HIGD1A: variants seen among roughly 807,000 people sequenced by gnomAD.
The protein encoded by HIGD1A is HIG1 hypoxia inducible domain family member 1A.
HIGD1A carries 8 observed loss-of-function variants against 11.3 expected under a neutral mutation model. The observed-to-expected ratio is 0.71, with a 90% CI of 0.42 to 1.28. HIGD1A has a LOEUF of 1.28. Ranked by LOEUF, HIGD1A falls within the 50% of genes most tolerant of loss-of-function variation. The pLI, the probability that HIGD1A is intolerant of heterozygous loss-of-function variation, is 0.01. For missense variants in HIGD1A, 107 were observed against 118.8 expected (o/e 0.90, Z 0.46); for synonymous variants, 32 against 38.4 (o/e 0.83, Z 0.62).
At chr3:42,801,290 A>G (rs887656934) in intron 1 of HIGD1A, among the ~76,000 whole-genome samples, 11 of 152,200 alleles carry the variant, frequency 7.2e-5, no homozygotes, top group African/African-American at 2.4e-4. Context: ...TCAGGTTCAC[A>G]TCTTAATTGA....
In HIGD1A at chr3:42,784,443, C is replaced by T. The variant is rs1198700460; in HGVS notation, c.*828G>A. 6.6e-6 allele frequency: 1 copy of T among 152,392 alleles called. No individual in the cohort carries two copies. The highest frequency in any genetic ancestry group is 2.4e-5 in the African/African-American group (1 of 41,446). 9.4% of individuals were successfully genotyped at this position (152,392 alleles called of 1,614,324 possible). A position where few individuals can be genotyped will look rare whatever the true frequency, so the allele number is the denominator to read the frequency against. On this transcript the variant is annotated 3_prime_UTR_variant, in exon 4 of 4. Transcript: ENST00000321331. ...GTTTGGGTATACTGTCTGGCCAAAC[C>T]AGCTTGCTCATAAGTCATTAACCAA...
intron 1 of HIGD1A, among the ~76,000 whole-genome samples, chr3:42,802,007 G>T (rs1000351039): frequency 3.3e-5 from 5 of 152,120 alleles, no homozygotes; most frequent in African/African-American, 9.7e-5. Flanking sequence ...TCCAGCCGGG[G>T]CAACAGGCAA....
chr3:42,802,141 C>G (rs1300002023), intron 1 of HIGD1A, among the ~76,000 whole-genome samples: 1 of 151,724 alleles, frequency 6.6e-6, no homozygotes, highest in African/African-American at 2.4e-5. Flanking sequence ...AATTCTCCAA[C>G]AGGTCAATGG....
chr3:42,803,249 A>C (rs1438609965), intron 1 of HIGD1A, among the ~76,000 whole-genome samples: 1 of 152,262 alleles, frequency 6.6e-6, no homozygotes, highest in Non-Finnish European at 1.5e-5. Flanking sequence ...GGGAACCTAA[A>C]GAGGCATTAA....
intron 1 of HIGD1A, among the ~76,000 whole-genome samples, chr3:42,799,615 GTTTT>G (rs57590070): frequency 6.8e-6 from 1 of 147,592 alleles, no homozygotes; most frequent in South Asian, 2.1e-4. Context: ...ACCATGCCTG[GTTTT>G]TTTTTTTTGT....
Position 42,784,544 on chromosome 3 carries a change from C to T in HIGD1A, c.*727G>A, listed in dbSNP as rs1441187358. On this transcript the variant is annotated 3_prime_UTR_variant, in exon 4 of 4. Transcript: ENST00000321331. ...AAATTAGCAACACACACATTTAAAA[C>T]GTGTTCATTTACCTTTGCGTGAGTG... 3 of 152,604 alleles carry T rather than the reference C, an allele frequency of 2.0e-5. No homozygotes were observed. The highest frequency in any genetic ancestry group is 2.1e-4 in the South Asian group (1 of 4,830). 9.5% of individuals were successfully genotyped at this position (152,604 alleles called of 1,614,324 possible). A position where few individuals can be genotyped will look rare whatever the true frequency, so the allele number is the denominator to read the frequency against.
Position 42,786,027 on chromosome 3 carries a change from C to T in HIGD1A, c.232+1G>A. 6.2e-7 allele frequency: 1 copy of T among 1,612,268 alleles called. No individual in the cohort carries two copies. The highest frequency in any genetic ancestry group is 8.5e-7 in the Non-Finnish European group (1 of 1,179,878). ...ATTTGAAATTTCCTATAGGAACCTA[C>T]CAACAGTCATTGCTCCTACAACAAA... is the stretch of plus-strand genomic sequence containing the variant. On this transcript the variant is annotated splice_donor_variant, in intron 3 of 3. Coordinates refer to ENST00000321331, the MANE Select transcript of HIGD1A (RefSeq NM_014056.4). LOFTEE classifies it high-confidence loss of function.
At chr3:42,794,785 T>G (rs1700474186) in intron 1 of HIGD1A, among the ~76,000 whole-genome samples, 1 of 152,252 alleles carries the variant, frequency 6.6e-6, no homozygotes, top group Non-Finnish European at 1.5e-5. Flanking sequence ...GCTTCCTTGC[T>G]TCAATTTTCA....
chr3:42,793,215 A>G (rs1559676831), intron 2 of HIGD1A, among the ~76,000 whole-genome samples: 3 of 152,202 alleles, frequency 2.0e-5, no homozygotes, highest in African/African-American at 4.8e-5. Flanking sequence ...TTTTCTTAAG[A>G]TTAATTTATA....
At chr3:42,785,451 A>G in intron 3 of HIGD1A, 131 bp from the exon 4 acceptor site, 1 of 688,536 alleles carries the variant, frequency 1.5e-6, no homozygotes, top group Non-Finnish European at 2.5e-6. Context: ...ATAAGACCCT[A>G]GGAAGCTTAT....
intron 2 of HIGD1A, among the ~76,000 whole-genome samples, chr3:42,790,046 A>G (rs1575359208): frequency 2.6e-5 from 4 of 152,272 alleles, no homozygotes; most frequent in Admixed American, 2.0e-4. Flanking sequence ...AAAACGAAAA[A>G]GAGATAAGAA....
At chr3:42,790,021 C>T (rs975306110) in intron 2 of HIGD1A, among the ~76,000 whole-genome samples, 1 of 152,000 alleles carries the variant, frequency 6.6e-6, no homozygotes, top group Non-Finnish European at 1.5e-5. Flanking sequence ...AGTGCTCAGC[C>T]TTATTTTTTA....
chr3:42,787,410 C>T (rs1335456617), intron 2 of HIGD1A, among the ~76,000 whole-genome samples: 1 of 151,556 alleles, frequency 6.6e-6, no homozygotes, highest in Admixed American at 6.6e-5. Flanking sequence ...GCCTGGCCAA[C>T]AGCCTGGTCA....
At chr3:42,790,390 AG>A (rs1200462818) in intron 2 of HIGD1A, among the ~76,000 whole-genome samples, 3 of 152,142 alleles carry the variant, frequency 2.0e-5, no homozygotes, top group African/African-American at 4.8e-5. Flanking sequence ...AAAATTAGCC[AG>A]GTATGGTGGC....
intron 2 of HIGD1A, among the ~76,000 whole-genome samples, chr3:42,789,475 G>T (rs1231805466): frequency 1.0e-4 from 15 of 147,512 alleles, no homozygotes; most frequent in African/African-American, 3.8e-4. Flanking sequence ...AGACCAGCAT[G>T]GGCAACAGAG....
intron 1 of HIGD1A, among the ~76,000 whole-genome samples, chr3:42,802,941 T>G: frequency 6.6e-6 from 1 of 152,246 alleles, no homozygotes; most frequent in East Asian, 1.9e-4. Flanking sequence ...AAGCCCACGT[T>G]GTTCTCTTTG....
At chr3:42,791,546 T>C (rs563213968) in intron 2 of HIGD1A, among the ~76,000 whole-genome samples, 20 of 152,194 alleles carry the variant, frequency 1.3e-4, no homozygotes, top group Non-Finnish European at 2.9e-4. Context: ...TCACAGCCTA[T>C]TGGTGTAAAT....
Position 42,784,449 on chromosome 3 carries a change from G to C in HIGD1A, c.*822C>G, listed in dbSNP as rs1219601233. The C allele has an allele frequency of 2.0e-5, 3 of 152,502 alleles. No individual in the cohort carries two copies. The East Asian group carries it at 5.8e-4, about 29-fold the overall frequency. 9.4% of individuals were successfully genotyped at this position (152,502 alleles called of 1,614,324 possible). A position where few individuals can be genotyped will look rare whatever the true frequency, so the allele number is the denominator to read the frequency against. ...GTATACTGTCTGGCCAAACCAGCTT[G>C]CTCATAAGTCATTAACCAAATCCAT... On this transcript the variant is annotated 3_prime_UTR_variant, in exon 4 of 4. Coordinates refer to ENST00000321331, the MANE Select transcript of HIGD1A (RefSeq NM_014056.4).
intron 2 of HIGD1A, among the ~76,000 whole-genome samples, 159 bp from the exon 3 acceptor site, chr3:42,786,321 A>G (rs1393681221): frequency 1.3e-5 from 2 of 152,174 alleles, no homozygotes; most frequent in African/African-American, 4.8e-5. Context: ...CCCTATCAAA[A>G]CCAAAAATCT....
Sources: allele counts gnomAD v4.1 joint callset (sites outside exome capture counted in the v4.1 genomes callset), GRCh38; gene constraint gnomAD v4.1.1; transcripts MANE v1.5; gene names NCBI Gene and HGNC (gene_info 2026-07-23, HGNC 2026-07-21).